QDPR: variants seen among roughly 807,000 people sequenced by gnomAD.
QDPR encodes the protein quinoid dihydropteridine reductase.
In QDPR, 23 loss-of-function variants were observed where a neutral mutation model predicts 31.7. That is an observed-to-expected ratio of 0.73 (90% CI 0.52 to 1.03). The LOEUF is 1.03. QDPR is among the 50% of genes least tolerant of loss of function. QDPR has a pLI of 0.00. For synonymous variants in QDPR, 124 were observed against 124.7 expected (o/e 0.99, Z 0.03); for missense variants, 324 against 323.8 (o/e 1.00, Z 0.00).
intron 6 of QDPR, 80 bp from the exon 7 acceptor site, chr4:17,487,316 G>T: frequency 9.5e-7 from 1 of 1,055,600 alleles, no homozygotes; most frequent in Non-Finnish European, 1.5e-6. Context: ...GTGACGGCTT[G>T]TGGGGTGGGG....
chr4:17,499,731 GCA>G (rs1718492401), intron 4 of QDPR, among the ~76,000 whole-genome samples: 1 of 152,140 alleles, frequency 6.6e-6, no homozygotes, highest in Admixed American at 6.5e-5. Flanking sequence ...ACCAGCCTGG[GCA>G]TCATAGCGAG....
At chr4:17,500,548 G>A (rs1718524034) in intron 4 of QDPR, among the ~76,000 whole-genome samples, 1 of 152,154 alleles carries the variant, frequency 6.6e-6, no homozygotes, top group African/African-American at 2.4e-5. Context: ...GAGGAAACGA[G>A]GACAGACACA....
chr4:17,507,498 G>A lies in QDPR; in HGVS notation c.198+1773C>T, dbSNP rs556627775. 2.6e-5 allele frequency among the ~76,000 whole-genome samples: 4 copies of A among 152,284 alleles called. No homozygotes were observed. In the South Asian group the frequency reaches 8.3e-4, roughly 32 times the overall value. Reference sequence around the variant, plus strand: ...GAGCCCAGGAGTTCCAGTCCAGCCTGGGCAACACAGTGAGAACCTGACTCA... The same window carrying A: ...GAGCCCAGGAGTTCCAGTCCAGCCTAGGCAACACAGTGAGAACCTGACTCA... On this transcript the variant is annotated intron_variant, in intron 2 of 6. Coordinates refer to ENST00000281243, the MANE Select transcript of QDPR (RefSeq NM_000320.3).
At chr4:17,505,128 ACAGTCTGTCAGGACAGG>A (rs1718712409) in intron 2 of QDPR, among the ~76,000 whole-genome samples, 1 of 152,166 alleles carries the variant, frequency 6.6e-6, no homozygotes, top group Non-Finnish European at 1.5e-5. Flanking sequence ...TATGAAAAGA[ACAGTCTGTCAGGACAGG>A]CAATTCTGGC....
chr4:17,503,590 T>C (rs1409240246), intron 3 of QDPR, among the ~76,000 whole-genome samples: 1 of 152,164 alleles, frequency 6.6e-6, no homozygotes, highest in Non-Finnish European at 1.5e-5. Flanking sequence ...AGATGGAGCA[T>C]ATAAGGGTGT....
In QDPR at chr4:17,512,020, C is replaced by T. The variant is rs780483113; in HGVS notation, c.35G>A (p.Arg12Gln). The T allele has an allele frequency of 6.2e-6, 10 of 1,606,750 alleles. No individual in the cohort carries two copies. Among genetic ancestry groups the T allele is most frequent in the Non-Finnish European group, 7.6e-6 (9 of 1,177,532 alleles). The change falls in exon 1 of 7, where the codon CGG (arginine) becomes CAG (glutamine). Residue 12 changes from arginine (R) to glutamine (Q), a missense_variant. Arg to Gln is a conservative substitution (Grantham distance 43, BLOSUM62 1). Coordinates refer to ENST00000281243, the MANE Select transcript of QDPR (RefSeq NM_000320.3). ...GCCCCTGCCGCCGTACACCAGCACCCGGCGCGCCTCGCCTGCAGCCGCCGC... is the reference window on the plus strand; with the variant it reads ...GCCCCTGCCGCCGTACACCAGCACCTGGCGCGCCTCGCCTGCAGCCGCCGC... ...AAAAAAGEARRVLVYGGRGAL... is the reference protein window; with the variant it reads ...AAAAAAGEARQVLVYGGRGAL...
intron 6 of QDPR, among the ~76,000 whole-genome samples, chr4:17,489,657 C>T (rs919762991): frequency 1.3e-5 from 2 of 152,148 alleles, no homozygotes; most frequent in African/African-American, 4.8e-5. Context: ...AATGACAGCT[C>T]CTCCCTCAGA....
rs1173409883 is a variant in QDPR at position 17,504,399 on chromosome 4, C to T, written c.275G>A (p.Gly92Glu). ...CTCACACTTGGATTTGGCATTGCCC[C>T]CGGCCCATCCTCCAGCAACGCAAAG... ...AILCVAGGWA[G>E]GNAKSKSLFK... The change falls in exon 3 of 7, where the codon GGG becomes GAG. Residue 92 changes from glycine to glutamate, a missense_variant. Transcript: ENST00000281243. The T allele has an allele frequency of 6.2e-7, 1 of 1,614,010 alleles. No individual in the cohort carries two copies. The highest frequency in any genetic ancestry group is 1.7e-5 in the Admixed American group (1 of 60,006).
At chr4:17,488,702 A>T (rs1449575342) in intron 6 of QDPR, among the ~76,000 whole-genome samples, 1 of 152,238 alleles carries the variant, frequency 6.6e-6, no homozygotes, top group Admixed American at 6.5e-5. Context: ...TTCATTAACT[A>T]AAAAGTGCTC....
At chr4:17,494,931 G>A (rs1718297583) in intron 4 of QDPR, among the ~76,000 whole-genome samples, 1 of 152,120 alleles carries the variant, frequency 6.6e-6, no homozygotes, top group African/African-American at 2.4e-5. Context: ...ATCCAACAAG[G>A]GCCTTGGAAA....
At chr4:17,504,186 C>G (rs751576414) in intron 3 of QDPR, among the ~76,000 whole-genome samples, 193 bp downstream of exon 3, 14 of 152,166 alleles carry the variant, frequency 9.2e-5, no homozygotes, top group Non-Finnish European at 1.6e-4. Context: ...CGTCCCCTCA[C>G]GTCCTCCAGG....
At chr4:17,498,091 G>A (rs1189950805) in intron 4 of QDPR, among the ~76,000 whole-genome samples, 1 of 152,166 alleles carries the variant, frequency 6.6e-6, no homozygotes, top group Non-Finnish European at 1.5e-5. Flanking sequence ...AAGGAATGAT[G>A]AGTCACTGTA....
chr4:17,488,156 G>A (rs1577183299), intron 6 of QDPR, among the ~76,000 whole-genome samples: 1 of 152,000 alleles, frequency 6.6e-6, no homozygotes, highest in East Asian at 1.9e-4. Context: ...AGCTACTCAG[G>A]AGGCTGTGGT....
intron 4 of QDPR, among the ~76,000 whole-genome samples, chr4:17,498,341 G>A (rs952008582): frequency 9.2e-5 from 14 of 152,080 alleles, no homozygotes; most frequent in African/African-American, 2.7e-4. Flanking sequence ...AGAATATTTC[G>A]CCATCCTTAG....
At chr4:17,510,152 G>A (rs1330248900) in intron 1 of QDPR, among the ~76,000 whole-genome samples, 2 of 152,056 alleles carry the variant, frequency 1.3e-5, no homozygotes, top group South Asian at 2.1e-4. Flanking sequence ...CTTAACTCTT[G>A]GGCTGTACAA....
Position 17,490,727 on chromosome 4 carries a change from C to T in QDPR, c.564G>A (p.Pro188=), listed in dbSNP as rs1322741039. Reference sequence around the variant, plus strand: ...CCTCAGGCATTGATTTCCTGTTCATCGGGGTATCCAGGGTAACCCTGCAAT... The same window carrying T: ...CCTCAGGCATTGATTTCCTGTTCATTGGGGTATCCAGGGTAACCCTGCAAT... ...IAVLPVTLDT[P]MNRKSMPEAD... Residue 188 remains proline, a synonymous_variant, in exon 6 of 7, where the codon CCG becomes CCA. Coordinates refer to ENST00000281243, the MANE Select transcript of QDPR (RefSeq NM_000320.3). 5.6e-6 allele frequency: 9 copies of T among 1,613,770 alleles called. No homozygotes were observed. Among genetic ancestry groups the T allele is most frequent in the East Asian group, 2.2e-5 (1 of 44,886 alleles).
chr4:17,497,657 T>G (rs183854819), intron 4 of QDPR, among the ~76,000 whole-genome samples: 5 of 152,158 alleles, frequency 3.3e-5, no homozygotes, highest in African/African-American at 1.2e-4. Context: ...ATCACTGAAC[T>G]TTTTTTCCTC....
Position 17,492,494 on chromosome 4 carries a change from A to T in QDPR, c.437-154T>A, listed in dbSNP as rs1000826003. The stretch of plus-strand genomic sequence containing the variant: ...AGGTCAGACGCCCTCACCAACCCCC[A>T]TCAAAAAATGGCAGAGAGCCACGAG... On this transcript the variant is annotated intron_variant, in intron 4 of 6. Coordinates refer to ENST00000281243, the MANE Select transcript of QDPR (RefSeq NM_000320.3). 4.5e-6 allele frequency: 3 copies of T among 670,290 alleles called. No individual in the cohort carries two copies. In the African/African-American group the frequency reaches 5.4e-5, roughly 12 times the overall value. The allele number at this position is 670,290 out of a possible 1,614,324, so 41.5% of individuals were successfully genotyped here. A position where few individuals can be genotyped will look rare whatever the true frequency, so the allele number is the denominator to read the frequency against.
At chr4:17,492,121 C>T (rs935709910) in intron 5 of QDPR, 111 bp downstream of exon 5, 1 of 781,214 alleles carries the variant, frequency 1.3e-6, no homozygotes, top group Admixed American at 2.3e-5. Context: ...TGTTTCAGAA[C>T]CAGAGGTGAG....
Sources: allele counts gnomAD v4.1 joint callset (sites outside exome capture counted in the v4.1 genomes callset), GRCh38; gene constraint gnomAD v4.1.1; transcripts MANE v1.5; gene names NCBI Gene and HGNC (gene_info 2026-07-23, HGNC 2026-07-21).